The following IFI16 variants were observed in gnomAD, a reference collection of about 807,000 sequenced individuals.
The protein encoded by IFI16 is interferon gamma inducible protein 16.
IFI16 carries 49 observed loss-of-function variants against 68.4 expected under a neutral mutation model. The observed-to-expected ratio is 0.72, with a 90% CI of 0.57 to 0.91. The LOEUF is 0.91. Ranked by LOEUF, IFI16 falls within the 40% of genes least tolerant of loss-of-function variation. The probability of loss-of-function intolerance (pLI) is 0.00; values close to 1 mark genes in which losing one functional copy is unlikely to be tolerated. For synonymous variants in IFI16, 307 were observed against 315.0 expected, an observed-to-expected ratio of 0.97 and a Z score of 0.27; for missense variants, 878 against 942.9, an observed-to-expected ratio of 0.93 and a Z score of 0.90.
At chr1:159,043,122 G>A (rs1024463861) in intron 7 of IFI16, among the ~76,000 whole-genome samples, 2 of 151,654 alleles carry the variant, frequency 1.3e-5, no homozygotes, top group South Asian at 2.1e-4. Flanking sequence ...TCATTTTTTT[G>A]GTTATTAATT....
At position 159,016,537 on chromosome 1, in the gene IFI16, G is replaced by GA. The variant is rs750703064; in HGVS notation, c.393dup (p.Ser132IlefsTer12). The stretch of plus-strand genomic sequence containing the variant: ...GGAAAATCAAACCACTTTCAGAAAA[G>GA]AAAAAAATCAACCAAAGAAAAGGCT... On this transcript the variant is annotated frameshift_variant, in exon 4 of 12. Transcript: ENST00000295809. LOFTEE classifies it high-confidence loss of function. 12 of 1,602,882 alleles carry GA rather than the reference G, an allele frequency of 7.5e-6. No individual in the cohort carries two copies. The highest frequency in any genetic ancestry group is 1.4e-5 in the African/African-American group (1 of 74,070).
intron 1 of IFI16, 40 bp downstream of exon 1, chr1:159,010,201 C>T (rs1278165509): frequency 6.6e-6 from 1 of 152,124 alleles, no homozygotes; most frequent in East Asian, 1.9e-4. Flanking sequence ...GATCTTGTTC[C>T]TTCCTTGAAG....
intron 11 of IFI16, 42 bp downstream of exon 11, chr1:159,053,766 C>T (rs1435669837): frequency 1.3e-6 from 2 of 1,483,666 alleles, no homozygotes; most frequent in Non-Finnish European, 1.9e-6. Context: ...AGTGGCGAAT[C>T]ATTTTGTTTA....
chr1:159,025,656 G>A (rs950285914), intron 6 of IFI16, among the ~76,000 whole-genome samples: 1 of 152,086 alleles, frequency 6.6e-6, no homozygotes, highest in African/African-American at 2.4e-5. Flanking sequence ...CCCTTGCTAC[G>A]CAGAAGCTTT....
chr1:159,021,959 T>A lies in IFI16; in HGVS notation c.1161+1430T>A. Among the ~76,000 whole-genome samples, 2 of 63,552 alleles carry A rather than the reference T, an allele frequency of 3.1e-5. 1 individual carries two copies. Among genetic ancestry groups the A allele is most frequent in the African/African-American group, 3.1e-4 (2 of 6,464 alleles). 41.7% of individuals were successfully genotyped at this position (63,552 alleles called of 152,430 possible). ...TAGCCCTTTTTTTTTTTTTTTTTTT[T>A]TTTTTTTTTTTTTTTTTTTTTTGAG... On this transcript the variant is annotated intron_variant, in intron 6 of 11. Transcript: ENST00000295809.
At chr1:159,039,621 G>T (rs931468030) in intron 7 of IFI16, among the ~76,000 whole-genome samples, 3 of 152,102 alleles carry the variant, frequency 2.0e-5, no homozygotes, top group Non-Finnish European at 4.4e-5. Flanking sequence ...TGGGATTACA[G>T]GTGTGAGCCA....
At chr1:159,046,869 C>T (rs1655020087) in intron 8 of IFI16, among the ~76,000 whole-genome samples, 1 of 151,336 alleles carries the variant, frequency 6.6e-6, no homozygotes, top group Non-Finnish European at 1.5e-5. Flanking sequence ...CTATAATAAA[C>T]CTATGACTTT....
In IFI16 at chr1:159,018,367, CA is replaced by C; in HGVS notation, c.689del (p.His230LeufsTer13). 1 of 1,614,146 alleles carries C rather than the reference CA, an allele frequency of 6.2e-7. No individual in the cohort carries two copies. Among genetic ancestry groups the C allele is most frequent in the Non-Finnish European group, 8.5e-7 (1 of 1,180,006 alleles). ...TPEMEKKIMF[H>X]ATVATQTQFF... The stretch of plus-strand genomic sequence containing the variant: ...AGAAATGGAGAAAAAAATAATGTTT[CA>C]TGCTACAGTGGCTACACAGACACAG... On this transcript the variant is annotated frameshift_variant, in exon 5 of 12. Coordinates refer to ENST00000295809, the MANE Select transcript of IFI16 (RefSeq NM_001376587.1). LOFTEE classifies it high-confidence loss of function.
chr1:159,038,462 T>C (rs1023072867), intron 7 of IFI16, among the ~76,000 whole-genome samples: 4 of 152,096 alleles, frequency 2.6e-5, no homozygotes, highest in Admixed American at 6.5e-5. Flanking sequence ...ACACCTGAGC[T>C]CAAGGGATCC....
intron 6 of IFI16, among the ~76,000 whole-genome samples, chr1:159,031,315 G>A (rs892108216): frequency 3.9e-5 from 6 of 152,206 alleles, no homozygotes; most frequent in African/African-American, 1.2e-4. Context: ...TGGCTTCTGT[G>A]CTGGTGTCTG....
chr1:159,039,807 G>A (rs2101894159), intron 7 of IFI16, among the ~76,000 whole-genome samples: 1 of 152,274 alleles, frequency 6.6e-6, no homozygotes, highest in Admixed American at 6.5e-5. Context: ...CTCCAGGAGT[G>A]AGCCATCCTC....
At position 159,053,711 on chromosome 1, in the gene IFI16, A is replaced by G; in HGVS notation, c.2264A>G (p.His755Arg). Residue 755 changes from histidine (H) to arginine (R), a missense_variant, in exon 11 of 12, where the codon CAT becomes CGT. Transcript: ENST00000295809. ...ACCGGGGAGTTGAGATCTGTAATTCATAGTCACATCAAGGTTGGAACTTTA... is the reference window on the plus strand; with the variant it reads ...ACCGGGGAGTTGAGATCTGTAATTCGTAGTCACATCAAGGTTGGAACTTTA... ...GNTGELRSVI[H>R]SHIKVIKTRK... 6.2e-7 allele frequency: 1 copy of G among 1,613,224 alleles called. No homozygotes were observed. Among genetic ancestry groups the G allele is most frequent in the Non-Finnish European group, 8.5e-7 (1 of 1,179,412 alleles).
At chr1:159,004,442 C>T (rs1178432578), upstream of IFI16, among the ~76,000 whole-genome samples, 6 of 151,074 alleles carry the variant, frequency 4.0e-5, no homozygotes, top group African/African-American at 1.2e-4. Flanking sequence ...TCGTGACTCA[C>T]GCCTCTAATC....
chr1:159,030,593 C>T (rs1653940433), intron 6 of IFI16, among the ~76,000 whole-genome samples: 1 of 152,124 alleles, frequency 6.6e-6, no homozygotes, highest in Non-Finnish European at 1.5e-5. Flanking sequence ...CTCCAGGCTC[C>T]AGGCTGGTAC....
At chr1:159,051,319 T>A (rs927759239) in intron 9 of IFI16, among the ~76,000 whole-genome samples, 1 of 152,148 alleles carries the variant, frequency 6.6e-6, no homozygotes, top group Non-Finnish European at 1.5e-5. Flanking sequence ...CTGAGATTCT[T>A]CTAAAATCTC....
chr1:159,045,593 AT>A (rs2101910874), intron 8 of IFI16, 129 bp downstream of exon 8: 2 of 832,670 alleles, frequency 2.4e-6, no homozygotes, highest in East Asian at 4.9e-5. Context: ...TCAGTCATTT[AT>A]TTATCAAGTG....
rs564108808 is a variant in IFI16, at chr1:159,014,834, A to G, written c.154A>G (p.Met52Val). ...TGACAAAATTCAGATTGCTGACTTG[A>G]TGGAAGAAAAGTTCCGAGGTGATGC... ...EYDKIQIADL[M>V]EEKFRGDAGL... The change falls in exon 2 of 12, where the codon ATG becomes GTG. Residue 52 changes from methionine to valine, a missense_variant. Met to Val is a conservative substitution (Grantham distance 21, BLOSUM62 1). Coordinates refer to ENST00000295809, the MANE Select transcript of IFI16 (RefSeq NM_001376587.1). 3 of 1,614,146 alleles carry G rather than the reference A, an allele frequency of 1.9e-6. No individual in the cohort carries two copies. Among genetic ancestry groups the G allele is most frequent in the Non-Finnish European group, 2.5e-6 (3 of 1,179,962 alleles).
Position 159,054,946 on chromosome 1 carries a change from AGTGCCT to A in IFI16, c.*46_*51del. 1 of 1,100,402 alleles carries A rather than the reference AGTGCCT, an allele frequency of 9.1e-7. No homozygotes were observed. Among genetic ancestry groups the A allele is most frequent in the Admixed American group, 1.8e-5 (1 of 54,228 alleles). The allele number at this position is 1,100,402 out of a possible 1,614,324, so 68.2% of individuals were successfully genotyped here. A position where few individuals can be genotyped will look rare whatever the true frequency, so the allele number is the denominator to read the frequency against. Reference sequence around the variant, plus strand: ...ATAATGTTTATGGAGATAAGGTCTAAGTGCCTAAAAAAATGTACATATACCTGGTTG... The same window carrying A: ...ATAATGTTTATGGAGATAAGGTCTAAAAAAAAATGTACATATACCTGGTTG... On this transcript the variant is annotated 3_prime_UTR_variant, in exon 12 of 12. Transcript: ENST00000295809.
At chr1:159,013,964 A>G (rs1451183871) in intron 1 of IFI16, among the ~76,000 whole-genome samples, 9 of 150,660 alleles carry the variant, frequency 6.0e-5, no homozygotes, top group Admixed American at 5.9e-4. Context: ...ATTGTGCGAA[A>G]AGAAATAATT....
Sources: gnomAD v4.1 joint callset for allele counts (sites outside exome capture counted in the v4.1 genomes callset) on GRCh38, gnomAD v4.1.1 for gene constraint, MANE v1.5 for transcripts, NCBI Gene and HGNC (gene_info 2026-07-23, HGNC 2026-07-21) for gene names.